The following DIP2B variants were observed in gnomAD, a reference collection of about 807,000 sequenced individuals.
DIP2B encodes the protein disco-interacting protein 2 homolog B.
A neutral mutation model predicts 198.0 loss-of-function variants in DIP2B; 76 were observed. The ratio of observed to expected loss-of-function variants is 0.38; its 90% CI spans 0.32 to 0.46. The LOEUF is 0.46. Among genes scored for constraint, DIP2B ranks in the 20% least tolerant of loss-of-function variants. The pLI is 0.99. For synonymous variants in DIP2B, 701 were observed against 739.1 expected (o/e 0.95, Z 0.84); for missense variants, 1,559 against 1,978.4 (o/e 0.79, Z 4.02).
chr12:50,739,033 G>A (rs1425908344), intron 35 of DIP2B, among the ~76,000 whole-genome samples: 3 of 152,224 alleles, frequency 2.0e-5, no homozygotes, highest in Non-Finnish European at 4.4e-5. Flanking sequence ...TGTGTTCGTG[G>A]GACTCTGGAG....
At chr12:50,644,042 T>C (rs1055603183) in intron 3 of DIP2B, among the ~76,000 whole-genome samples, 7 of 152,214 alleles carry the variant, frequency 4.6e-5, no homozygotes, top group African/African-American at 1.4e-4. Flanking sequence ...TGGAGGCTTA[T>C]TAACACCTAT....
intron 1 of DIP2B, among the ~76,000 whole-genome samples, chr12:50,532,977 G>C (rs1958231914): frequency 1.3e-5 from 2 of 152,172 alleles, no homozygotes; most frequent in Admixed American, 1.3e-4. Flanking sequence ...TGATTCATTT[G>C]ACAGGAAACT....
At position 50,724,892 on chromosome 12, in the gene DIP2B, A is replaced by C. The variant is rs1939902883; in HGVS notation, c.3400+6A>C. The C allele has an allele frequency of 6.2e-7, 1 of 1,613,788 alleles. No homozygotes were observed. The highest frequency in any genetic ancestry group is 8.5e-7 in the Non-Finnish European group (1 of 1,179,692). Reference sequence around the variant, plus strand: ...GCCAACCATCATTGACACAGGTGAAAGGGAGACTTCTTCTGAGGGTGGAGG... The same window carrying C: ...GCCAACCATCATTGACACAGGTGAACGGGAGACTTCTTCTGAGGGTGGAGG... On this transcript the variant is annotated splice_donor_region_variant and intron_variant, in intron 28 of 37. Transcript: ENST00000301180.
In DIP2B at chr12:50,714,536, A is replaced by G. The variant is rs755940849; in HGVS notation, c.2791A>G (p.Ile931Val). The stretch of plus-strand genomic sequence containing the variant: ...GGAGGGATCACTGCATCCTTGCAAC[A>G]TCCTCATGTGCCCCCATACATGTGT... ...FLEGSLHPCN[I>V]LMCPHTCVTN... Residue 931 changes from isoleucine (I) to valine (V), a missense_variant, in exon 23 of 38, where the codon ATC becomes GTC. Physicochemically the swap from Ile to Val is conservative, Grantham distance 29. Coordinates refer to ENST00000301180, the MANE Select transcript of DIP2B (RefSeq NM_173602.3). 3.1e-6 allele frequency: 5 copies of G among 1,614,186 alleles called. No individual in the cohort carries two copies. The highest frequency in any genetic ancestry group is 1.1e-5 in the South Asian group (1 of 91,086).
intron 1 of DIP2B, among the ~76,000 whole-genome samples, chr12:50,544,138 G>A (rs1958353859): frequency 6.6e-6 from 1 of 150,704 alleles, no homozygotes; most frequent in African/African-American, 2.4e-5. Flanking sequence ...TGAGGCAGGG[G>A]AATCGCTTGA....
At position 50,718,985 on chromosome 12, in the gene DIP2B, C is replaced by T. The variant is rs1171011310; in HGVS notation, c.2992C>T (p.Arg998Ter). 1.9e-6 allele frequency: 3 copies of T among 1,614,042 alleles called. No homozygotes were observed. The highest frequency in any genetic ancestry group is 8.5e-7 in the Non-Finnish European group (1 of 1,180,030). ...GTTTCTGGCAGAGATCCTACAGTGGCGAGCCCAGGCGACTCCTGACCATGT... is the reference window on the plus strand; with the variant it reads ...GTTTCTGGCAGAGATCCTACAGTGGTGAGCCCAGGCGACTCCTGACCATGT... ...HQFLAEILQW[R>*]AQATPDHVLF... Residue 998 changes from arginine (R) to a stop codon, truncating the protein, a stop_gained, in exon 25 of 38, where the codon CGA becomes TGA. Transcript: ENST00000301180. LOFTEE classifies it high-confidence loss of function.
chr12:50,724,707 G>T, intron 27 of DIP2B, 68 bp from the exon 28 acceptor site: 1 of 1,420,412 alleles, frequency 7.0e-7, no homozygotes, highest in Non-Finnish European at 9.9e-7. Context: ...TTTAGCAGCA[G>T]CCAGGGCCTG....
At position 50,718,803 on chromosome 12, in the gene DIP2B, T is replaced by G; in HGVS notation, c.2946T>G (p.Asn982Lys). ...AGRDLGQIEENDLVRKHQFLA... is the reference protein window; with the variant it reads ...AGRDLGQIEEKDLVRKHQFLA... ...GGGATCTGGGACAAATAGAAGAGAA[T>G]GATTTGGTGAGGAAGGTAAGTGTTC... Residue 982 changes from asparagine (N) to lysine (K), a missense_variant, in exon 24 of 38, where the codon AAT becomes AAG. Coordinates refer to ENST00000301180, the MANE Select transcript of DIP2B (RefSeq NM_173602.3). The G allele has an allele frequency of 6.2e-7, 1 of 1,613,994 alleles. No individual in the cohort carries two copies. Among genetic ancestry groups the G allele is most frequent in the South Asian group, 1.1e-5 (1 of 91,060 alleles).
rs762327854 is a variant in DIP2B at position 50,680,846 on chromosome 12, T to C, written c.1206+83T>C. ...ATATTCTAATATTCTGGAGTTTTCATATACAACAGGAAAATTTATGTAACT... is the reference window on the plus strand; with the variant it reads ...ATATTCTAATATTCTGGAGTTTTCACATACAACAGGAAAATTTATGTAACT... On this transcript the variant is annotated intron_variant, in intron 9 of 37. Transcript: ENST00000301180. 481 of 1,267,336 alleles carry C rather than the reference T, an allele frequency of 3.8e-4. 1 individual carries two copies. Among genetic ancestry groups the C allele is most frequent in the Non-Finnish European group, 5.0e-4 (447 of 894,074 alleles). The allele number at this position is 1,267,336 out of a possible 1,614,324, so 78.5% of individuals were successfully genotyped here. A position where few individuals can be genotyped will look rare whatever the true frequency, so the allele number is the denominator to read the frequency against.
intron 22 of DIP2B, among the ~76,000 whole-genome samples, chr12:50,709,593 G>A (rs1228558893): frequency 4.0e-5 from 6 of 151,330 alleles, no homozygotes; most frequent in African/African-American, 9.7e-5. Context: ...AGCCGAGATC[G>A]CGCCACTGCA....
At chr12:50,733,144 G>A (rs1940075621) in intron 32 of DIP2B, among the ~76,000 whole-genome samples, 1 of 151,846 alleles carries the variant, frequency 6.6e-6, no homozygotes, top group Non-Finnish European at 1.5e-5. Flanking sequence ...GACCTCAAGT[G>A]ATCCAGCCGC....
intron 29 of DIP2B, 34 bp downstream of exon 29, chr12:50,727,846 CA>C (rs3832875): frequency 0.34 from 526,484 of 1,565,506 alleles, 90,799 homozygotes; most frequent in Middle Eastern, 0.36. Flanking sequence ...CCACATCTGC[CA>C]AAAAATAGAG....
chr12:50,584,773 A>G (rs1958756090), intron 1 of DIP2B, among the ~76,000 whole-genome samples: 1 of 152,148 alleles, frequency 6.6e-6, no homozygotes, highest in Non-Finnish European at 1.5e-5. Flanking sequence ...CATGTTGGCC[A>G]GGCTGGTCTT....
chr12:50,635,508 G>T (rs535850681), intron 2 of DIP2B, among the ~76,000 whole-genome samples: 1 of 152,310 alleles, frequency 6.6e-6, no homozygotes, highest in South Asian at 2.1e-4. Context: ...GCTGCTTGCT[G>T]TGCTGAGTGG....
intron 1 of DIP2B, among the ~76,000 whole-genome samples, chr12:50,574,851 G>A (rs1330714844): frequency 7.2e-5 from 11 of 152,174 alleles, no homozygotes; most frequent in Non-Finnish European, 1.0e-4. Context: ...TTGGCCTCTT[G>A]GAAATTGCAG....
intron 4 of DIP2B, among the ~76,000 whole-genome samples, chr12:50,664,329 C>G (rs1237453094): frequency 6.6e-6 from 1 of 151,990 alleles, no homozygotes; most frequent in East Asian, 1.9e-4. Context: ...TGTCAGTCAC[C>G]CTAAAATTTG....
intron 14 of DIP2B, among the ~76,000 whole-genome samples, chr12:50,694,545 A>C (rs566479041): frequency 1.7e-5 from 2 of 117,090 alleles, no homozygotes; most frequent in African/African-American, 5.8e-5. Flanking sequence ...ACATACATAC[A>C]TACATACATA....
intron 1 of DIP2B, among the ~76,000 whole-genome samples, chr12:50,553,259 C>A (rs1958442437): frequency 6.6e-6 from 1 of 152,172 alleles, no homozygotes; most frequent in Non-Finnish European, 1.5e-5. Flanking sequence ...GGTCTTGGCA[C>A]CCTTTCATGT....
intron 22 of DIP2B, among the ~76,000 whole-genome samples, chr12:50,713,845 C>T (rs1269183518): frequency 6.6e-6 from 1 of 151,882 alleles, no homozygotes; most frequent in East Asian, 1.9e-4. Context: ...AAGGTGGGAG[C>T]ATCACTTGAG....
Sources: allele counts gnomAD v4.1 joint callset (sites outside exome capture counted in the v4.1 genomes callset), GRCh38; gene constraint gnomAD v4.1.1; transcripts MANE v1.5; gene names NCBI Gene and HGNC (gene_info 2026-07-23, HGNC 2026-07-21).